The following SP100 variants were observed in gnomAD, a reference collection of about 807,000 sequenced individuals.
SP100 encodes the protein SP100 nuclear body protein.
In SP100, 84 loss-of-function variants were observed where a neutral mutation model predicts 130.0. The ratio of observed to expected loss-of-function variants is 0.65; its 90% CI spans 0.54 to 0.77. The LOEUF (loss-of-function observed/expected upper bound fraction) is 0.77, where lower values mean the gene tolerates loss of function less well. Ranked by LOEUF, SP100 falls within the 30% of genes least tolerant of loss-of-function variation. The pLI is 0.00. For missense variants in SP100, 978 were observed against 1,052.2 expected (o/e 0.93, Z 0.97); for synonymous variants, 331 against 351.7 (o/e 0.94, Z 0.66).
Position 230,542,998 on chromosome 2 carries a change from C to T in SP100, c.*52C>T, listed in dbSNP as rs1477009749. The T allele has an allele frequency of 1.0e-6, 1 of 1,000,446 alleles. No homozygotes were observed. Among genetic ancestry groups the T allele is most frequent in the Admixed American group, 1.8e-5 (1 of 54,648 alleles). 62.0% of individuals were successfully genotyped at this position (1,000,446 alleles called of 1,614,324 possible). A position where few individuals can be genotyped will look rare whatever the true frequency, so the allele number is the denominator to read the frequency against. On this transcript the variant is annotated 3_prime_UTR_variant, in exon 29 of 29. Transcript: ENST00000340126. ...CTCTGGCAGCTAGCTACGCAATGTG[C>T]CTGTGGTCCCACTAATCTGTGACTG...
chr2:230,436,942 GCATATATGTGTATACACACACA>G (rs1481367812), intron 2 of SP100, among the ~76,000 whole-genome samples: 15 of 107,428 alleles, frequency 1.4e-4, no homozygotes, highest in Non-Finnish European at 2.7e-4. Context: ...ATACACACAC[GCATATATGTGTATACACACACA>G]TATATATGTG....
chr2:230,464,494 A>G (rs2064831612), intron 11 of SP100, among the ~76,000 whole-genome samples: 1 of 152,178 alleles, frequency 6.6e-6, no homozygotes. Flanking sequence ...ACTACCCTTT[A>G]TATTTGATAG....
chr2:230,508,950 C>CACACACACACACACACACAT lies in SP100; in HGVS notation c.2052+932_2052+951dup, dbSNP rs1553643603. 1.3e-4 allele frequency: 13 copies of CACACACACACACACACACAT among 102,564 alleles called. No individual in the cohort carries two copies. The East Asian group carries it at 2.6e-3, about 20-fold the overall frequency. The allele number at this position is 102,564 out of a possible 1,614,324, so 6.4% of individuals were successfully genotyped here. On this transcript the variant is annotated intron_variant, in intron 23 of 28. Coordinates refer to ENST00000340126, the MANE Select transcript of SP100 (RefSeq NM_001080391.2). Reference sequence around the variant, plus strand: ...ACACACACACACACACACACACATACACACACACACACACACACATACACA... The same window carrying CACACACACACACACACACAT: ...ACACACACACACACACACACACATACACACACACACACACACACATACACACACACACACACACATACACA...
At chr2:230,471,166 A>G (rs1193848697) in intron 15 of SP100, among the ~76,000 whole-genome samples, 1 of 152,206 alleles carries the variant, frequency 6.6e-6, no homozygotes, top group Non-Finnish European at 1.5e-5. Context: ...AAAAAGCAAC[A>G]CAGGAGACAA....
rs557981832 is a variant in SP100 at position 230,477,806 on chromosome 2, A to G, written c.1600+3359A>G. On this transcript the variant is annotated intron_variant, in intron 17 of 28. Transcript: ENST00000340126. ...TTGAACTGGCTAGGCATCATGGCTT[A>G]TGCCTATAATCCCAGTTTCTCAGGA... Among the ~76,000 whole-genome samples, 3 of 152,252 alleles carry G rather than the reference A, an allele frequency of 2.0e-5. No homozygotes were observed. The East Asian group carries it at 5.8e-4, about 29-fold the overall frequency.
At chr2:230,448,334 G>A (rs565519264) in intron 5 of SP100, among the ~76,000 whole-genome samples, 1 of 152,294 alleles carries the variant, frequency 6.6e-6, no homozygotes, top group South Asian at 2.1e-4. Context: ...AGCTCACTTT[G>A]ATTGAACATC....
At chr2:230,480,863 A>T (rs1376966867) in intron 17 of SP100, among the ~76,000 whole-genome samples, 1 of 152,172 alleles carries the variant, frequency 6.6e-6, no homozygotes. Context: ...CATGACCGTG[A>T]TCAGGTGAGT....
rs948668430 is a variant in SP100 at position 230,439,125 on chromosome 2, A to G, written c.108-3812A>G. ...TTAGTGATGTTGAGAATTTTTTCATATATTTCTTGGCCATTTGCATATCTT... is the reference window on the plus strand; with the variant it reads ...TTAGTGATGTTGAGAATTTTTTCATGTATTTCTTGGCCATTTGCATATCTT... On this transcript the variant is annotated intron_variant, in intron 2 of 28. Coordinates refer to ENST00000340126, the MANE Select transcript of SP100 (RefSeq NM_001080391.2). Among the ~76,000 whole-genome samples the G allele has an allele frequency of 2.0e-5, 3 of 152,090 alleles. No individual in the cohort carries two copies. In the East Asian group the frequency reaches 5.8e-4, roughly 29 times the overall value.
At chr2:230,433,795 G>T (rs1386637512) in intron 2 of SP100, among the ~76,000 whole-genome samples, 2 of 150,476 alleles carry the variant, frequency 1.3e-5, no homozygotes, top group African/African-American at 4.9e-5. Flanking sequence ...TTTCCTAGTT[G>T]GTTGAATATT....
At chr2:230,480,168 G>A (rs915185065) in intron 17 of SP100, among the ~76,000 whole-genome samples, 3 of 152,106 alleles carry the variant, frequency 2.0e-5, no homozygotes, top group African/African-American at 7.2e-5. Flanking sequence ...TAAGCTCTAC[G>A]CCAGCAAGGA....
At chr2:230,417,469 T>A in intron 1 of SP100, 122 bp from the exon 2 acceptor site, 1 of 1,243,948 alleles carries the variant, frequency 8.0e-7, no homozygotes, top group African/African-American at 1.5e-5. Flanking sequence ...ACAATGATTA[T>A]ATATTTCTTT....
intron 19 of SP100, among the ~76,000 whole-genome samples, chr2:230,501,081 A>C (rs2066992462): frequency 1.3e-5 from 2 of 152,064 alleles, no homozygotes; most frequent in Admixed American, 1.3e-4. Context: ...GTCTCTACTA[A>C]AAATACAAAA....
At chr2:230,437,792 G>A (rs1323372484) in intron 2 of SP100, among the ~76,000 whole-genome samples, 4 of 151,996 alleles carry the variant, frequency 2.6e-5, no homozygotes, top group South Asian at 2.1e-4. Context: ...TCCTGACCTC[G>A]TGATCCGCCC....
At chr2:230,531,552 A>G (rs1691704768) in intron 24 of SP100, among the ~76,000 whole-genome samples, 1 of 152,156 alleles carries the variant, frequency 6.6e-6, no homozygotes, top group Non-Finnish European at 1.5e-5. Context: ...AAAAAAGAAA[A>G]AAGAAAAATA....
chr2:230,431,538 A>G (rs2063100358), intron 2 of SP100, among the ~76,000 whole-genome samples: 1 of 152,158 alleles, frequency 6.6e-6, no homozygotes. Flanking sequence ...ATCCTTGTCT[A>G]TGGATAGTTG....
At chr2:230,501,342 G>A (rs1380094113) in intron 19 of SP100, among the ~76,000 whole-genome samples, 1 of 152,164 alleles carries the variant, frequency 6.6e-6, no homozygotes, top group Non-Finnish European at 1.5e-5. Flanking sequence ...TCCTCCCCAT[G>A]TATCTCCATA....
chr2:230,501,543 C>T (rs2067023230), intron 19 of SP100, among the ~76,000 whole-genome samples: 1 of 152,138 alleles, frequency 6.6e-6, no homozygotes, highest in Non-Finnish European at 1.5e-5. Context: ...CCAGAAAATA[C>T]AGTGTCATCA....
At chr2:230,482,984 AAAT>A (rs1158617851) in intron 17 of SP100, among the ~76,000 whole-genome samples, 1 of 152,170 alleles carries the variant, frequency 6.6e-6, no homozygotes, top group Non-Finnish European at 1.5e-5. Context: ...GACGTCTCTA[AAAT>A]ATTGACCGTT....
Position 230,542,049 on chromosome 2 carries a change from C to T in SP100, c.2547+14C>T. 6.2e-7 allele frequency: 1 copy of T among 1,613,200 alleles called. No individual in the cohort carries two copies. Among genetic ancestry groups the T allele is most frequent in the East Asian group, 2.2e-5 (1 of 44,862 alleles). The stretch of plus-strand genomic sequence containing the variant: ...GAATTTTACAGGGTGAGTGGCTCTC[C>T]CTGCTTCCTTTTCTCTTTCAATTAC... On this transcript the variant is annotated intron_variant, in intron 28 of 28. Coordinates refer to ENST00000340126, the MANE Select transcript of SP100 (RefSeq NM_001080391.2).
Sources: gnomAD v4.1 joint callset for allele counts (sites outside exome capture counted in the v4.1 genomes callset) on GRCh38, gnomAD v4.1.1 for gene constraint, MANE v1.5 for transcripts, NCBI Gene and HGNC (gene_info 2026-07-23, HGNC 2026-07-21) for gene names.